CCDC175: variants seen among roughly 807,000 people sequenced by gnomAD.
The protein encoded by CCDC175 is coiled-coil domain-containing protein 175.
CCDC175 carries 100 observed loss-of-function variants against 114.6 expected under a neutral mutation model. The observed-to-expected ratio is 0.87, with a 90% confidence interval of 0.74 to 1.03. The LOEUF is 1.03. CCDC175 is among the 50% of genes least tolerant of loss of function. The pLI is 0.00. For synonymous variants in CCDC175, 306 were observed against 308.7 expected (o/e 0.99, Z 0.09); for missense variants, 880 against 917.8 (o/e 0.96, Z 0.53).
chr14:59,513,359 AG>A (rs139916832), intron 17 of CCDC175, among the ~76,000 whole-genome samples: 1,807 of 152,106 alleles, frequency 0.012, 30 homozygotes, highest in African/African-American at 0.042. Context: ...GAGCCAAAGC[AG>A]GGGGAGGCAC....
At chr14:59,511,458 G>T (rs905253315) in intron 18 of CCDC175, among the ~76,000 whole-genome samples, 6 of 145,830 alleles carry the variant, frequency 4.1e-5, no homozygotes, top group African/African-American at 1.5e-4. Flanking sequence ...TTCATTTGGG[G>T]CATGCAAAAA....
chr14:59,512,651 AC>A (rs1892819626), intron 17 of CCDC175, among the ~76,000 whole-genome samples: 1 of 152,230 alleles, frequency 6.6e-6, no homozygotes, highest in South Asian at 2.1e-4. Context: ...ACCTGATACT[AC>A]ACTACAGCTG....
intron 15 of CCDC175, 24 bp from the exon 16 acceptor site, chr14:59,525,458 T>A: frequency 6.6e-7 from 1 of 1,507,098 alleles, no homozygotes; most frequent in Non-Finnish European, 8.8e-7. Flanking sequence ...AAACCCCAAA[T>A]TATCTCTGAG....
chr14:59,558,559 T>C (rs1446666875), intron 7 of CCDC175, among the ~76,000 whole-genome samples: 1 of 152,106 alleles, frequency 6.6e-6, no homozygotes. Context: ...AAAGCAGAAA[T>C]GGTAGATGGC....
At chr14:59,544,345 T>A (rs1894974500) in intron 9 of CCDC175, among the ~76,000 whole-genome samples, 1 of 152,264 alleles carries the variant, frequency 6.6e-6, no homozygotes, top group South Asian at 2.1e-4. Context: ...TTTTTGTATT[T>A]TTAGTAGAGA....
chr14:59,558,054 T>C (rs981061395), intron 7 of CCDC175, among the ~76,000 whole-genome samples: 2 of 152,166 alleles, frequency 1.3e-5, no homozygotes, highest in African/African-American at 2.4e-5. Context: ...CTTTTTGGAA[T>C]GACCTCTGAA....
intron 13 of CCDC175, among the ~76,000 whole-genome samples, chr14:59,535,339 C>A (rs183592081): frequency 6.6e-6 from 1 of 152,150 alleles, no homozygotes; most frequent in Non-Finnish European, 1.5e-5. Flanking sequence ...CTGATCATCT[C>A]ATCTGCCAAG....
At position 59,511,748 on chromosome 14, in the gene CCDC175, C is replaced by G. The variant is rs118023850; in HGVS notation, c.2142+12G>C. On this transcript the variant is annotated intron_variant, in intron 18 of 19. Transcript: ENST00000537690. ...TATTTATATGGAGGCAACAGACACA[C>G]GCAAAACTCACCTTAACTGTGGTCT... is the stretch of plus-strand genomic sequence containing the variant. The G allele has an allele frequency of 3.3e-6, 5 of 1,534,314 alleles. No homozygotes were observed. In the South Asian group the frequency reaches 3.6e-5, roughly 11 times the overall value.
intron 17 of CCDC175, among the ~76,000 whole-genome samples, chr14:59,515,998 T>C (rs952286192): frequency 1.3e-5 from 2 of 152,144 alleles, no homozygotes; most frequent in African/African-American, 4.8e-5. Context: ...AAACTAGAAC[T>C]CAGGATTAAG....
chr14:59,573,685 G>A (rs536314061), intron 2 of CCDC175, among the ~76,000 whole-genome samples: 10 of 150,046 alleles, frequency 6.7e-5, no homozygotes, highest in African/African-American at 2.2e-4. Flanking sequence ...GTCAATCTCA[G>A]CTCACTGTAA....
In CCDC175 at chr14:59,509,874, T is replaced by G. The variant is rs1892649618; in HGVS notation, c.2305+772A>C. The stretch of plus-strand genomic sequence containing the variant: ...TTCAAAATTGCTTATCTAGTGATTA[T>G]GCTCTTTAAAATTAAGCCTTGATAA... On this transcript the variant is annotated intron_variant, in intron 19 of 19. Coordinates refer to ENST00000537690, the MANE Select transcript of CCDC175 (RefSeq NM_001164399.2). Among the ~76,000 whole-genome samples, 3 of 152,348 alleles carry G rather than the reference T, an allele frequency of 2.0e-5. No homozygotes were observed. In the South Asian group the frequency reaches 6.2e-4, roughly 32 times the overall value.
intron 17 of CCDC175, among the ~76,000 whole-genome samples, chr14:59,517,596 A>G (rs1893175178): frequency 6.6e-6 from 1 of 152,242 alleles, no homozygotes; most frequent in Admixed American, 6.5e-5. Flanking sequence ...TAAAATGCCT[A>G]GGAATCCAAC....
At chr14:59,505,386 T>C in intron 19 of CCDC175, 71 bp from the exon 20 acceptor site, 5 of 814,254 alleles carry the variant, frequency 6.1e-6, no homozygotes, top group Non-Finnish European at 9.1e-6. Flanking sequence ...TTAGTGTTCA[T>C]TAAAATTCTG....
intron 13 of CCDC175, among the ~76,000 whole-genome samples, chr14:59,536,744 AT>A (rs1376059661): frequency 6.6e-6 from 1 of 152,032 alleles, no homozygotes; most frequent in Non-Finnish European, 1.5e-5. Flanking sequence ...CTATTAAATT[AT>A]TTTTTTAAAT....
chr14:59,528,323 G>T (rs1459021396), intron 14 of CCDC175, among the ~76,000 whole-genome samples: 1 of 151,890 alleles, frequency 6.6e-6, no homozygotes, highest in Non-Finnish European at 1.5e-5. Context: ...ATATGGCTTA[G>T]TCTTTTCTTT....
At chr14:59,512,439 T>A (rs914240036) in intron 17 of CCDC175, among the ~76,000 whole-genome samples, 1 of 152,208 alleles carries the variant, frequency 6.6e-6, no homozygotes, top group East Asian at 1.9e-4. Context: ...GGCAACACTT[T>A]GTATGTGGAG....
chr14:59,513,816 T>G (rs147506510), intron 17 of CCDC175, among the ~76,000 whole-genome samples: 3 of 151,928 alleles, frequency 2.0e-5, no homozygotes, highest in Non-Finnish European at 4.4e-5. Flanking sequence ...TTGAAGAGAG[T>G]AGAGGTTCTC....
chr14:59,545,198 T>G lies in CCDC175; in HGVS notation c.1137A>C (p.Glu379Asp). 3 of 1,537,070 alleles carry G rather than the reference T, an allele frequency of 2.0e-6. No homozygotes were observed. Among genetic ancestry groups the G allele is most frequent in the Non-Finnish European group, 2.6e-6 (3 of 1,146,770 alleles). Residue 379 changes from glutamate (E) to aspartate (D), a missense_variant, in exon 9 of 20, where the codon GAA becomes GAC. Physicochemically the swap from Glu to Asp is conservative, Grantham distance 45. Coordinates refer to ENST00000537690, the MANE Select transcript of CCDC175 (RefSeq NM_001164399.2). ...RQYKIVLSEE[E>D]KAFLQKQKIH... The stretch of plus-strand genomic sequence containing the variant: ...TCTTTTGTTTTTGCAAAAAAGCTTT[T>G]TCTTCCTCACTTAAAACAATCTTAT...
At chr14:59,555,032 G>C (rs1330679352) in intron 7 of CCDC175, among the ~76,000 whole-genome samples, 8 of 152,148 alleles carry the variant, frequency 5.3e-5, no homozygotes, top group Non-Finnish European at 1.5e-5. Flanking sequence ...AATTCTACCA[G>C]AGGTACAAGG....
Sources: gnomAD v4.1 joint callset for allele counts (sites outside exome capture counted in the v4.1 genomes callset) on GRCh38, gnomAD v4.1.1 for gene constraint, MANE v1.5 for transcripts, NCBI Gene and HGNC (gene_info 2026-07-23, HGNC 2026-07-21) for gene names.